The following CCDC91 variants were observed in gnomAD, a reference collection of about 807,000 sequenced individuals.
CCDC91 encodes the protein coiled-coil domain containing 91.
In CCDC91, 48 loss-of-function variants were observed where a neutral mutation model predicts 63.2. The ratio of observed to expected loss-of-function variants is 0.76; its 90% CI spans 0.60 to 0.97. The LOEUF is 0.97. Ranked by LOEUF, CCDC91 falls within the 50% of genes least tolerant of loss-of-function variation. CCDC91 has a pLI of 0.00. For missense variants in CCDC91, 500 were observed against 494.6 expected, an observed-to-expected ratio of 1.01 and a Z score of -0.10; for synonymous variants, 167 against 165.8, an observed-to-expected ratio of 1.01 and a Z score of -0.06.
At chr12:28,352,460 G>A (rs1343848672) in intron 6 of CCDC91, among the ~76,000 whole-genome samples, 1 of 152,118 alleles carries the variant, frequency 6.6e-6, no homozygotes, top group Non-Finnish European at 1.5e-5. Flanking sequence ...AAGTTTGTGT[G>A]GTAATATTCC....
At chr12:28,510,237 A>ATGTGTGTGTGTGTGTGTGTGTG (rs60548491) in intron 12 of CCDC91, among the ~76,000 whole-genome samples, 1 of 149,028 alleles carries the variant, frequency 6.7e-6, no homozygotes, top group African/African-American at 2.5e-5. Context: ...TCAATAGGGC[A>ATGTGTGTGTGTGTGTGTGTGTG]TGTGTGTGTG....
At chr12:28,510,506 C>T (rs1038173919) in intron 12 of CCDC91, among the ~76,000 whole-genome samples, 45 of 151,854 alleles carry the variant, frequency 3.0e-4, no homozygotes, top group African/African-American at 9.4e-4. Context: ...CCTTCGTACT[C>T]AGTCTTTTTG....
intron 6 of CCDC91, among the ~76,000 whole-genome samples, chr12:28,345,526 C>G (rs1942747809): frequency 6.6e-6 from 1 of 152,004 alleles, no homozygotes; most frequent in Non-Finnish European, 1.5e-5. Flanking sequence ...ACTATCTACA[C>G]TTACTGCAGT....
At chr12:28,541,202 G>A (rs555266185) in intron 12 of CCDC91, among the ~76,000 whole-genome samples, 1 of 152,240 alleles carries the variant, frequency 6.6e-6, no homozygotes, top group Admixed American at 6.5e-5. Context: ...GTGCATAGCA[G>A]GGAGCAAGTA....
intron 12 of CCDC91, among the ~76,000 whole-genome samples, chr12:28,545,548 G>A (rs1353251360): frequency 6.6e-6 from 1 of 151,966 alleles, no homozygotes; most frequent in Non-Finnish European, 1.5e-5. Flanking sequence ...ATACAGTATC[G>A]GTTCGCCTTG....
chr12:28,465,096 G>T (rs1010239327), intron 11 of CCDC91, among the ~76,000 whole-genome samples: 4 of 152,194 alleles, frequency 2.6e-5, no homozygotes, highest in Non-Finnish European at 5.9e-5. Context: ...GGCCTGAGGT[G>T]CAGTAGCCAT....
intron 3 of CCDC91, among the ~76,000 whole-genome samples, chr12:28,281,658 A>G (rs894914153): frequency 2.6e-5 from 4 of 152,154 alleles, no homozygotes; most frequent in African/African-American, 9.6e-5. Context: ...CTATTTAAGT[A>G]TAGGTTTTGC....
At chr12:28,201,899 G>A (rs1942476066) in intron 1 of CCDC91, among the ~76,000 whole-genome samples, 2 of 146,570 alleles carry the variant, frequency 1.4e-5, no homozygotes, top group African/African-American at 2.5e-5. Context: ...GTGGCGTCGC[G>A]TGCCTGCAAT....
chr12:28,474,054 ATTGC>A lies in CCDC91; in HGVS notation c.1102-9996_1102-9993del, dbSNP rs567888873. On this transcript the variant is annotated intron_variant, in intron 11 of 12. Transcript: ENST00000536442. ...TTTTAAATTTTGTAATTTTTCGATG[ATTGC>A]TCTCCTGTTGAGAATATTGTGATGA... Among the ~76,000 whole-genome samples, 23 of 151,816 alleles carry A rather than the reference ATTGC, an allele frequency of 1.5e-4. 1 individual carries two copies. The highest frequency in any genetic ancestry group is 3.4e-3 in the Middle Eastern group (1 of 294).
At chr12:28,283,649 ATTTGCATATATATAGTATTTCT>A (rs1003126098) in intron 3 of CCDC91, among the ~76,000 whole-genome samples, 1 of 152,124 alleles carries the variant, frequency 6.6e-6, no homozygotes, top group African/African-American at 2.4e-5. Context: ...ATTTTGGAAT[ATTTGCATATATATAGTATTTCT>A]TGGGGATGAG....
At chr12:28,528,085 T>A (rs920075640) in intron 12 of CCDC91, among the ~76,000 whole-genome samples, 1 of 152,186 alleles carries the variant, frequency 6.6e-6, no homozygotes, top group East Asian at 1.9e-4. Flanking sequence ...GTCTGCACGC[T>A]GGATTCATGC....
chr12:28,368,511 T>A (rs1394469680), intron 7 of CCDC91, among the ~76,000 whole-genome samples: 1 of 152,252 alleles, frequency 6.6e-6, no homozygotes, highest in Non-Finnish European at 1.5e-5. Context: ...CAGTTGATAA[T>A]CTGCCTAATT....
intron 1 of CCDC91, among the ~76,000 whole-genome samples, chr12:28,207,529 T>G (rs1032131397): frequency 6.6e-6 from 1 of 152,168 alleles, no homozygotes; most frequent in African/African-American, 2.4e-5. Flanking sequence ...ATAAGATCAG[T>G]CCTCTTGCAT....
intron 12 of CCDC91, among the ~76,000 whole-genome samples, chr12:28,538,742 A>G (rs576932713): frequency 1.8e-4 from 28 of 152,134 alleles, no homozygotes; most frequent in African/African-American, 5.8e-4. Flanking sequence ...AAGTATTCCT[A>G]TTTCTCCACA....
chr12:28,390,496 T>G (rs1592524294), intron 7 of CCDC91, among the ~76,000 whole-genome samples: 1 of 152,132 alleles, frequency 6.6e-6, no homozygotes, highest in Non-Finnish European at 1.5e-5. Context: ...CATACAAAGC[T>G]AAACAGAGAG....
chr12:28,469,507 T>C (rs1950705789), intron 11 of CCDC91, among the ~76,000 whole-genome samples: 1 of 152,082 alleles, frequency 6.6e-6, no homozygotes, highest in Admixed American at 6.6e-5. Flanking sequence ...AATGTCCATA[T>C]TTCCCAAAGC....
chr12:28,199,308 TACTA>T (rs35156928), intron 1 of CCDC91, among the ~76,000 whole-genome samples: 40,941 of 151,820 alleles, frequency 0.27, 5,959 homozygotes, highest in East Asian at 0.56. Flanking sequence ...TATTAATTAA[TACTA>T]ACTAAGTTTA....
At chr12:28,294,730 A>G (rs540333427) in intron 3 of CCDC91, among the ~76,000 whole-genome samples, 1 of 152,148 alleles carries the variant, frequency 6.6e-6, no homozygotes, top group East Asian at 1.9e-4. Flanking sequence ...GATTACAGGC[A>G]GGTGCCACTA....
intron 8 of CCDC91, among the ~76,000 whole-genome samples, chr12:28,444,659 C>T (rs1949406054): frequency 6.6e-6 from 1 of 152,098 alleles, no homozygotes; most frequent in African/African-American, 2.4e-5. Context: ...AAGGGAACAA[C>T]AGACACTGGG....
Sources: gnomAD v4.1 joint callset for allele counts (sites outside exome capture counted in the v4.1 genomes callset) on GRCh38, gnomAD v4.1.1 for gene constraint, MANE v1.5 for transcripts, NCBI Gene and HGNC (gene_info 2026-07-23, HGNC 2026-07-21) for gene names.